The following TASP1 variants were observed in gnomAD, a reference collection of about 807,000 sequenced individuals.
TASP1 encodes threonine aspartase 1.
Under a neutral mutation model 56.6 loss-of-function variants are expected in TASP1, and 16 were observed. The observed-to-expected ratio is 0.28, with a 90% CI of 0.19 to 0.43. The LOEUF (loss-of-function observed/expected upper bound fraction) is 0.43. TASP1 is among the 20% of genes least tolerant of loss of function. The pLI is 1.00. For synonymous variants in TASP1, 179 were observed against 184.2 expected, an observed-to-expected ratio of 0.97 and a Z score of 0.23; for missense variants, 393 against 511.6, an observed-to-expected ratio of 0.77 and a Z score of 2.24.
the TASP1 span, among the ~76,000 whole-genome samples, chr20:13,159,067 T>TGGGA: frequency 6.6e-6 from 1 of 152,234 alleles, no homozygotes; most frequent in Non-Finnish European, 1.5e-5. Context: ...AAGAGTCACT[T>TGGGA]GGGAGTACAT....
At chr20:13,503,111 A>G (rs759523363) in intron 10 of TASP1, among the ~76,000 whole-genome samples, 1 of 152,040 alleles carries the variant, frequency 6.6e-6, no homozygotes, top group Non-Finnish European at 1.5e-5. Context: ...GTAGTTGAGG[A>G]GGTTAGGAGA....
chr20:13,437,562 T>A (rs1338208391), intron 11 of TASP1, among the ~76,000 whole-genome samples: 2 of 152,158 alleles, frequency 1.3e-5, no homozygotes, highest in East Asian at 3.8e-4. Flanking sequence ...AAAGAGGAAA[T>A]CAAATTGTCC....
the TASP1 span, among the ~76,000 whole-genome samples, chr20:13,369,481 T>C: frequency 6.6e-6 from 1 of 152,212 alleles, no homozygotes; most frequent in South Asian, 2.1e-4. Flanking sequence ...AAATGTATGT[T>C]GAACATTTTA....
chr20:13,475,994 T>G (rs1453219988), intron 11 of TASP1, among the ~76,000 whole-genome samples: 1 of 151,656 alleles, frequency 6.6e-6, no homozygotes, highest in Non-Finnish European at 1.5e-5. Flanking sequence ...TGGCAGACAC[T>G]TGTAATCCCA....
At chr20:13,611,455 G>T (rs574263211) in intron 4 of TASP1, among the ~76,000 whole-genome samples, 1 of 152,246 alleles carries the variant, frequency 6.6e-6, no homozygotes, top group Non-Finnish European at 1.5e-5. Flanking sequence ...TTTTTGAAAA[G>T]TCTAGTTTGA....
chr20:13,403,597 T>C (rs2041816809), intron 13 of TASP1, among the ~76,000 whole-genome samples: 1 of 152,234 alleles, frequency 6.6e-6, no homozygotes, highest in Non-Finnish European at 1.5e-5. Context: ...CCCCGGCTTA[T>C]AAAGCAGGGA....
chr20:13,137,114 T>C, the TASP1 span, among the ~76,000 whole-genome samples: 1 of 152,150 alleles, frequency 6.6e-6, no homozygotes, highest in African/African-American at 2.4e-5. Context: ...TCCTCTTCAA[T>C]CTGGGCTTCC....
intron 8 of TASP1, among the ~76,000 whole-genome samples, chr20:13,550,185 C>CACACACAG (rs1212360097): frequency 3.4e-5 from 5 of 148,374 alleles, no homozygotes; most frequent in Non-Finnish European, 6.0e-5. Context: ...CACACACACA[C>CACACACAG]AGAGACACTG....
the TASP1 span, among the ~76,000 whole-genome samples, chr20:13,331,548 G>A: frequency 6.6e-6 from 1 of 152,254 alleles, no homozygotes; most frequent in Admixed American, 6.5e-5. Flanking sequence ...GCTTTGCCTT[G>A]GAGAAGGAGA....
At chr20:13,423,124 T>C (rs1335421149) in intron 12 of TASP1, among the ~76,000 whole-genome samples, 12 of 152,230 alleles carry the variant, frequency 7.9e-5, no homozygotes, top group Admixed American at 7.2e-4. Context: ...ATTAATTGCC[T>C]ATTGGACATA....
the TASP1 span, among the ~76,000 whole-genome samples, chr20:13,109,464 A>C: frequency 6.6e-6 from 1 of 152,216 alleles, no homozygotes; most frequent in Admixed American, 6.5e-5. Flanking sequence ...TGCTACTAGT[A>C]CTTCCTCCAG....
chr20:13,190,251 G>A, the TASP1 span, among the ~76,000 whole-genome samples: 7 of 152,116 alleles, frequency 4.6e-5, no homozygotes, highest in South Asian at 2.1e-4. Flanking sequence ...ATATATCCAT[G>A]TAATAAACCT....
chr20:13,572,259 TG>T, intron 6 of TASP1, among the ~76,000 whole-genome samples: 1 of 151,972 alleles, frequency 6.6e-6, no homozygotes, highest in East Asian at 1.9e-4. Context: ...AATAATAGAG[TG>T]TCAAACTTCT....
chr20:13,203,376 T>G, the TASP1 span, among the ~76,000 whole-genome samples: 3,719 of 152,352 alleles, frequency 0.024, 62 homozygotes, highest in Non-Finnish European at 0.031. Context: ...GTAAAATCTC[T>G]GCTTTCAGCA....
intron 10 of TASP1, among the ~76,000 whole-genome samples, chr20:13,490,712 A>G (rs1229210802): frequency 6.6e-6 from 1 of 150,624 alleles, no homozygotes; most frequent in Non-Finnish European, 1.5e-5. Flanking sequence ...ACACACCCCT[A>G]CCTTAAGGCC....
intron 6 of TASP1, among the ~76,000 whole-genome samples, chr20:13,576,407 T>C (rs190599911): frequency 3.0e-4 from 44 of 147,896 alleles, no homozygotes; most frequent in South Asian, 1.7e-3. Flanking sequence ...GTCAGTCTTA[T>C]GGAATCTATA....
intron 6 of TASP1, among the ~76,000 whole-genome samples, chr20:13,578,869 A>G (rs1568606400): frequency 1.3e-5 from 2 of 152,174 alleles, no homozygotes; most frequent in Admixed American, 1.3e-4. Context: ...GTATCATGCT[A>G]TCCATTAAGT....
chr20:13,233,595 CAAA>C, the TASP1 span, among the ~76,000 whole-genome samples: 8 of 63,720 alleles, frequency 1.3e-4, no homozygotes, highest in Admixed American at 1.8e-4. Flanking sequence ...AACTCCATCT[CAAA>C]AAAAAAAAAA....
At chr20:13,419,670 T>C (rs912588965) in intron 12 of TASP1, among the ~76,000 whole-genome samples, 1 of 152,194 alleles carries the variant, frequency 6.6e-6, no homozygotes, top group African/African-American at 2.4e-5. Flanking sequence ...GAGACAAGTG[T>C]TTGAGTTGAG....
Sources: allele counts gnomAD v4.1 joint callset (sites outside exome capture counted in the v4.1 genomes callset), GRCh38; gene constraint gnomAD v4.1.1; transcripts MANE v1.5; gene names NCBI Gene and HGNC (gene_info 2026-07-23, HGNC 2026-07-21).